Variants in GABRB1 observed in about 807,000 individuals in gnomAD.
The protein encoded by GABRB1 is gamma-aminobutyric acid type A receptor subunit beta1.
Under a neutral mutation model 51.6 loss-of-function variants are expected in GABRB1, and 17 were observed. The ratio of observed to expected loss-of-function variants is 0.33; its 90% confidence interval spans 0.23 to 0.49. The LOEUF (loss-of-function observed/expected upper bound fraction) is 0.49. GABRB1 is among the 20% of genes least tolerant of loss of function. The pLI is 0.99. For missense variants in GABRB1, 410 were observed against 600.6 expected, an observed-to-expected ratio of 0.68 and a Z score of 3.32; for synonymous variants, 247 against 218.9, an observed-to-expected ratio of 1.13 and a Z score of -1.14.
chr4:47,233,921 A>T (rs899239293), intron 4 of GABRB1, among the ~76,000 whole-genome samples: 2 of 152,202 alleles, frequency 1.3e-5, no homozygotes, highest in African/African-American at 4.8e-5. Flanking sequence ...CCTACTTATG[A>T]AAAATAAACT....
At chr4:47,031,566 C>T, upstream of GABRB1, 1 of 1,103,156 alleles carries the variant, frequency 9.1e-7, no homozygotes, top group Non-Finnish European at 1.4e-6. Context: ...TGCGCAGGTC[C>T]ATTCGGGAAT....
At chr4:47,398,252 C>T (rs1224685725) in intron 5 of GABRB1, among the ~76,000 whole-genome samples, 1 of 152,112 alleles carries the variant, frequency 6.6e-6, no homozygotes, top group Non-Finnish European at 1.5e-5. Context: ...CTACCAAATT[C>T]TTATTGTTTG....
At chr4:47,292,554 C>A (rs964308499) in intron 4 of GABRB1, among the ~76,000 whole-genome samples, 6 of 152,180 alleles carry the variant, frequency 3.9e-5, no homozygotes, top group African/African-American at 1.2e-4. Context: ...CAGTACATCC[C>A]CTGAGCTTAA....
At chr4:47,033,713 A>G (rs1033626116) in intron 3 of GABRB1, among the ~76,000 whole-genome samples, 1 of 152,140 alleles carries the variant, frequency 6.6e-6, no homozygotes, top group Non-Finnish European at 1.5e-5. Flanking sequence ...AAATATGTCT[A>G]TAGCTTATTG....
intron 4 of GABRB1, among the ~76,000 whole-genome samples, chr4:47,244,273 T>G (rs28888482): frequency 0.38 from 57,005 of 152,002 alleles, 11,329 homozygotes; most frequent in African/African-American, 0.49. Context: ...CGTGCTGCTG[T>G]ATTCGGTTTG....
intron 4 of GABRB1, among the ~76,000 whole-genome samples, chr4:47,315,238 C>T (rs1381524268): frequency 6.6e-6 from 1 of 151,766 alleles, no homozygotes. Context: ...AACATGAACA[C>T]CTTTCAAAAG....
At chr4:47,046,727 T>C (rs1162500058) in intron 3 of GABRB1, among the ~76,000 whole-genome samples, 4 of 151,972 alleles carry the variant, frequency 2.6e-5, no homozygotes, top group Non-Finnish European at 5.9e-5. Context: ...AGCAAAGACA[T>C]GGAATCAACC....
chr4:47,080,943 T>C (rs1199632861), intron 3 of GABRB1, among the ~76,000 whole-genome samples: 4 of 152,184 alleles, frequency 2.6e-5, no homozygotes, highest in Non-Finnish European at 5.9e-5. Flanking sequence ...TTAACAATAT[T>C]GTGAAAACTA....
chr4:47,133,020 C>T (rs2109676814), intron 3 of GABRB1, among the ~76,000 whole-genome samples: 1 of 152,140 alleles, frequency 6.6e-6, no homozygotes, highest in Non-Finnish European at 1.5e-5. Context: ...TTTTTGAAAC[C>T]CATCACTCTG....
chr4:47,030,858 C>T (rs1725266538), upstream of GABRB1, among the ~76,000 whole-genome samples: 1 of 151,896 alleles, frequency 6.6e-6, no homozygotes, highest in South Asian at 2.1e-4. Flanking sequence ...CAGTGGATGG[C>T]CCTAGAAAAA....
intron 4 of GABRB1, among the ~76,000 whole-genome samples, chr4:47,232,773 G>C (rs1334905659): frequency 6.6e-6 from 1 of 151,754 alleles, no homozygotes; most frequent in African/African-American, 2.4e-5. Context: ...TATCCAAAAG[G>C]TCATCAAATT....
chr4:47,384,095 T>C (rs1374351204), intron 5 of GABRB1, among the ~76,000 whole-genome samples: 1 of 152,030 alleles, frequency 6.6e-6, no homozygotes, highest in Non-Finnish European at 1.5e-5. Context: ...AACGTAAAAA[T>C]AACGTATCAG....
chr4:47,025,340 G>C (rs1313391397), intron 1 of GABRB1, among the ~76,000 whole-genome samples: 2 of 151,874 alleles, frequency 1.3e-5, no homozygotes, highest in East Asian at 1.9e-4. Flanking sequence ...CATAGTGGTT[G>C]TACTAGTTTA....
At chr4:47,242,078 A>T (rs1430197079) in intron 4 of GABRB1, among the ~76,000 whole-genome samples, 7 of 146,134 alleles carry the variant, frequency 4.8e-5, no homozygotes, top group Non-Finnish European at 3.0e-5. Flanking sequence ...GATGTTCCCC[A>T]CCCTGTGTCC....
intron 3 of GABRB1, among the ~76,000 whole-genome samples, chr4:47,154,505 C>G (rs1313189795): frequency 6.6e-6 from 1 of 151,962 alleles, no homozygotes; most frequent in Non-Finnish European, 1.5e-5. Context: ...GCATACCTCC[C>G]TTTTTTCAGT....
chr4:46,994,535 A>AGG (rs1181925709), intron 1 of GABRB1: 2 of 151,622 alleles, frequency 1.3e-5, no homozygotes, highest in African/African-American at 4.9e-5. Context: ...AGAGAGAGAG[A>AGG]GGCAGAAGGT....
chr4:47,258,812 G>A (rs984968376), intron 4 of GABRB1, among the ~76,000 whole-genome samples: 3 of 152,144 alleles, frequency 2.0e-5, no homozygotes, highest in African/African-American at 4.8e-5. Flanking sequence ...GTCTCATTAA[G>A]TTGGAAATGA....
intron 5 of GABRB1, among the ~76,000 whole-genome samples, chr4:47,400,889 C>A (rs1210076529): frequency 6.6e-6 from 1 of 150,532 alleles, no homozygotes; most frequent in Non-Finnish European, 1.5e-5. Context: ...CAAGTTGCTG[C>A]AAGATACATT....
chr4:47,022,714 A>C (rs1465297199), intron 1 of GABRB1, among the ~76,000 whole-genome samples: 1 of 152,138 alleles, frequency 6.6e-6, no homozygotes, highest in Admixed American at 6.6e-5. Flanking sequence ...AATGTAAATT[A>C]GTACAATTAC....
Sources: gnomAD v4.1 joint callset for allele counts (sites outside exome capture counted in the v4.1 genomes callset) on GRCh38, gnomAD v4.1.1 for gene constraint, MANE v1.5 for transcripts, NCBI Gene and HGNC (gene_info 2026-07-23, HGNC 2026-07-21) for gene names.